CTNNA2: variants seen among roughly 807,000 people sequenced by gnomAD.
CTNNA2 encodes catenin alpha-2.
Under a neutral mutation model 101.0 loss-of-function variants are expected in CTNNA2, and 42 were observed. The observed-to-expected ratio is 0.42, with a 90% CI of 0.32 to 0.54. The LOEUF (loss-of-function observed/expected upper bound fraction) is 0.54, where lower values mean the gene tolerates loss of function less well. CTNNA2 is among the 20% of genes least tolerant of loss of function. CTNNA2 has a pLI of 0.14. For synonymous variants in CTNNA2, 450 were observed against 456.4 expected (o/e 0.99, Z 0.18); for missense variants, 871 against 1,223.1 (o/e 0.71, Z 4.29).
chr2:80,364,557 T>TA (rs1041510018), intron 7 of CTNNA2, among the ~76,000 whole-genome samples: 6 of 49,278 alleles, frequency 1.2e-4, no homozygotes, highest in African/African-American at 1.1e-3. Flanking sequence ...GAGAAAGTAA[T>TA]TTTTTTTTTT....
intron 7 of CTNNA2, among the ~76,000 whole-genome samples, chr2:80,378,441 GTA>G (rs1333791451): frequency 1.5e-5 from 2 of 134,866 alleles, no homozygotes; most frequent in Non-Finnish European, 1.6e-5. Context: ...TGAACTTGCA[GTA>G]TACACACACA....
At chr2:80,090,104 G>A (rs1573042043) in intron 7 of CTNNA2, among the ~76,000 whole-genome samples, 1 of 151,862 alleles carries the variant, frequency 6.6e-6, no homozygotes, top group South Asian at 2.1e-4. Flanking sequence ...AGATGGTGGT[G>A]ACCATAGTAG....
At chr2:80,162,899 C>A in intron 7 of CTNNA2, 3 of 1,573,528 alleles carry the variant, frequency 1.9e-6, no homozygotes, top group Non-Finnish European at 2.6e-6. Flanking sequence ...TCCTTTCGTA[C>A]CTGCTAGGAG....
intron 2 of CTNNA2, among the ~76,000 whole-genome samples, chr2:79,684,152 T>C (rs1683773896): frequency 6.6e-6 from 1 of 152,174 alleles, no homozygotes; most frequent in Non-Finnish European, 1.5e-5. Context: ...TGTGCGCAAC[T>C]GAGTAGGGGT....
At chr2:80,222,355 T>C (rs978085894) in intron 7 of CTNNA2, among the ~76,000 whole-genome samples, 3 of 152,214 alleles carry the variant, frequency 2.0e-5, no homozygotes, top group Non-Finnish European at 2.9e-5. Flanking sequence ...TATTTCCTTA[T>C]ACCATGCATA....
intron 8 of CTNNA2, among the ~76,000 whole-genome samples, chr2:80,402,657 C>T (rs1271123842): frequency 6.6e-6 from 1 of 151,642 alleles, no homozygotes; most frequent in Non-Finnish European, 1.5e-5. Flanking sequence ...TCTCCTAGTA[C>T]CCCTTATCTA....
chr2:79,444,907 G>A (rs896777029), intron 4 of CTNNA2, among the ~76,000 whole-genome samples: 2 of 152,076 alleles, frequency 1.3e-5, no homozygotes, highest in African/African-American at 4.8e-5. Context: ...TCCTTCCTCA[G>A]AATGAATTAA....
intron 2 of CTNNA2, among the ~76,000 whole-genome samples, chr2:79,665,083 T>G (rs1682318944): frequency 6.6e-6 from 1 of 152,140 alleles, no homozygotes; most frequent in Non-Finnish European, 1.5e-5. Context: ...TACCTTGATT[T>G]CCACTCTCAA....
chr2:79,863,413 T>G (rs1681782061), intron 4 of CTNNA2, among the ~76,000 whole-genome samples: 1 of 152,032 alleles, frequency 6.6e-6, no homozygotes, highest in African/African-American at 2.4e-5. Context: ...CTAAATGAGG[T>G]TTGCCTCTCC....
At chr2:80,023,444 C>T (rs868017040) in intron 7 of CTNNA2, among the ~76,000 whole-genome samples, 6 of 151,778 alleles carry the variant, frequency 4.0e-5, no homozygotes, top group Non-Finnish European at 8.8e-5. Flanking sequence ...TGATTATTTC[C>T]TTGGACTGTG....
intron 2 of CTNNA2, among the ~76,000 whole-genome samples, chr2:79,259,851 G>A (rs1180451478): frequency 6.6e-6 from 1 of 152,170 alleles, no homozygotes; most frequent in Non-Finnish European, 1.5e-5. Flanking sequence ...GAGATGGTCT[G>A]GGCCCCAGCC....
chr2:79,953,247 A>G (rs1463545195), intron 7 of CTNNA2, among the ~76,000 whole-genome samples: 2 of 151,842 alleles, frequency 1.3e-5, no homozygotes, highest in South Asian at 2.1e-4. Context: ...TACGTTTGGC[A>G]CCTCTCCCTG....
intron 15 of CTNNA2, among the ~76,000 whole-genome samples, chr2:80,596,427 A>T (rs1696984722): frequency 6.7e-6 from 1 of 149,560 alleles, no homozygotes. Flanking sequence ...CTCCTGCCTC[A>T]GCCTCCCGAG....
chr2:80,070,717 CAA>C (rs70940074), intron 7 of CTNNA2, among the ~76,000 whole-genome samples: 4 of 140,456 alleles, frequency 2.8e-5, no homozygotes. Context: ...GACCCTGTCT[CAA>C]AAAAAAAAAA....
At chr2:80,525,029 C>A (rs1464444356) in intron 9 of CTNNA2, among the ~76,000 whole-genome samples, 1 of 151,984 alleles carries the variant, frequency 6.6e-6, no homozygotes, top group Non-Finnish European at 1.5e-5. Context: ...TTTTGGTGCA[C>A]CCATCACTGA....
chr2:80,071,643 C>T (rs769843310), intron 7 of CTNNA2, among the ~76,000 whole-genome samples: 3 of 152,138 alleles, frequency 2.0e-5, no homozygotes, highest in African/African-American at 4.8e-5. Flanking sequence ...CCCTTACATC[C>T]AATAAATCTG....
chr2:79,257,813 A>G (rs373626608), intron 2 of CTNNA2, among the ~76,000 whole-genome samples: 3 of 151,934 alleles, frequency 2.0e-5, no homozygotes, highest in African/African-American at 4.8e-5. Flanking sequence ...TAAAAAAAAA[A>G]AAGAAGAAGA....
intron 9 of CTNNA2, among the ~76,000 whole-genome samples, chr2:80,446,921 TGCTTG>T (rs1683120904): frequency 6.6e-6 from 1 of 152,194 alleles, no homozygotes; most frequent in African/African-American, 2.4e-5. Flanking sequence ...AGATGGATTT[TGCTTG>T]TTAAAAAAAG....
intron 2 of CTNNA2, among the ~76,000 whole-genome samples, chr2:79,281,172 G>T (rs550826961): frequency 1.2e-4 from 19 of 152,080 alleles, no homozygotes; most frequent in Non-Finnish European, 2.6e-4. Flanking sequence ...AGGCAGTCTT[G>T]GTGGGACTAT....
Sources: gnomAD v4.1 joint callset for allele counts (sites outside exome capture counted in the v4.1 genomes callset) on GRCh38, gnomAD v4.1.1 for gene constraint, MANE v1.5 for transcripts, NCBI Gene and HGNC (gene_info 2026-07-23, HGNC 2026-07-21) for gene names.